Variants in FAM222A observed in about 807,000 individuals in gnomAD.
FAM222A encodes the protein family with sequence similarity 222 member A.
FAM222A carries 7 observed loss-of-function variants against 25.8 expected under a neutral mutation model. The ratio of observed to expected loss-of-function variants is 0.27; its 90% CI spans 0.15 to 0.51. The LOEUF is 0.51. Among genes scored for constraint, FAM222A ranks in the 20% least tolerant of loss-of-function variants. The pLI, the probability that FAM222A is intolerant of heterozygous loss-of-function variation, is 0.97. For synonymous variants in FAM222A, 294 were observed against 298.8 expected, an observed-to-expected ratio of 0.98 and a Z score of 0.17; for missense variants, 573 against 640.5, an observed-to-expected ratio of 0.89 and a Z score of 1.14.
chr12:109,729,202 G>A (rs1887895686), intron 1 of FAM222A, among the ~76,000 whole-genome samples: 1 of 150,952 alleles, frequency 6.6e-6, no homozygotes, highest in Non-Finnish European at 1.5e-5. Context: ...CCAAGAGAAA[G>A]CAGACAATAA....
chr12:109,717,457 A>G lies in FAM222A; in HGVS notation c.-47+2560A>G, dbSNP rs141921952. On this transcript the variant is annotated intron_variant, in intron 1 of 2. Transcript: ENST00000538780. ...GGTTCCTGACCCAGCCTGAGGGTCA[A>G]AAAGCCCTAGAGGAGAGGTGGCACA... 2.0e-3 allele frequency among the ~76,000 whole-genome samples: 304 copies of G among 152,346 alleles called. 2 individuals are homozygous for G. Among genetic ancestry groups the G allele is most frequent in the Non-Finnish European group, 3.5e-3 (239 of 68,036 alleles).
intron 2 of FAM222A, among the ~76,000 whole-genome samples, chr12:109,750,034 G>A (rs1317834734): frequency 1.3e-5 from 2 of 152,034 alleles, no homozygotes; most frequent in Non-Finnish European, 2.9e-5. Flanking sequence ...GGAGAGTTTA[G>A]CCCATTTACA....
At chr12:109,751,599 T>C (rs1380275385) in intron 2 of FAM222A, among the ~76,000 whole-genome samples, 2 of 152,334 alleles carry the variant, frequency 1.3e-5, no homozygotes, top group Admixed American at 6.5e-5. Flanking sequence ...GAGTTTCCTA[T>C]GTGTGCTTAT....
At chr12:109,744,011 C>T (rs747410027) in intron 1 of FAM222A, 90 bp from the exon 2 acceptor site, 37 of 1,435,456 alleles carry the variant, frequency 2.6e-5, no homozygotes, top group Non-Finnish European at 3.2e-5. Flanking sequence ...TGATGTTCTT[C>T]GGGGTTGCAG....
At chr12:109,746,715 C>T (rs1412471886) in intron 2 of FAM222A, among the ~76,000 whole-genome samples, 3 of 152,090 alleles carry the variant, frequency 2.0e-5, no homozygotes, top group Admixed American at 6.5e-5. Context: ...GCAGCCATTA[C>T]CACAGTCAAT....
chr12:109,759,846 G>T (rs952619327), intron 2 of FAM222A, among the ~76,000 whole-genome samples: 7 of 152,214 alleles, frequency 4.6e-5, no homozygotes, highest in African/African-American at 2.4e-5. Context: ...AAGCACCTTC[G>T]GTGGTGGCAG....
chr12:109,753,622 T>C (rs2136362804), intron 2 of FAM222A, among the ~76,000 whole-genome samples: 1 of 151,880 alleles, frequency 6.6e-6, no homozygotes, highest in East Asian at 1.9e-4. Context: ...CCACCACCCA[T>C]ATTGCTCGTG....
intron 2 of FAM222A, among the ~76,000 whole-genome samples, chr12:109,748,305 G>A (rs909093414): frequency 6.9e-6 from 1 of 144,940 alleles, no homozygotes; most frequent in African/African-American, 2.5e-5. Flanking sequence ...CCTCAGTCTC[G>A]TCAAAGAGAT....
At chr12:109,732,069 C>T (rs1299606442) in intron 1 of FAM222A, among the ~76,000 whole-genome samples, 2 of 152,124 alleles carry the variant, frequency 1.3e-5, no homozygotes, top group African/African-American at 2.4e-5. Flanking sequence ...AGTAAGAGGA[C>T]GTTTGTTACT....
intron 1 of FAM222A, among the ~76,000 whole-genome samples, chr12:109,724,081 C>A (rs1034639192): frequency 3.3e-5 from 5 of 152,214 alleles, no homozygotes; most frequent in African/African-American, 1.2e-4. Context: ...CCAGATAGGG[C>A]AGAGATGAGA....
chr12:109,716,876 T>A (rs1887656133), intron 1 of FAM222A, among the ~76,000 whole-genome samples: 1 of 152,246 alleles, frequency 6.6e-6, no homozygotes, highest in Non-Finnish European at 1.5e-5. Context: ...GCCAGGCGTT[T>A]TACATGATCT....
intron 1 of FAM222A, among the ~76,000 whole-genome samples, chr12:109,737,048 G>C (rs993376684): frequency 6.6e-6 from 1 of 152,210 alleles, no homozygotes; most frequent in Non-Finnish European, 1.5e-5. Flanking sequence ...TGGGACTCCA[G>C]TCATTTGACG....
intron 2 of FAM222A, among the ~76,000 whole-genome samples, chr12:109,745,090 G>A (rs1299526095): frequency 1.3e-5 from 2 of 152,222 alleles, no homozygotes; most frequent in Admixed American, 6.5e-5. Context: ...CTTGGAGGAA[G>A]GAAGGGGTAT....
intron 2 of FAM222A, among the ~76,000 whole-genome samples, chr12:109,758,215 CGT>C (rs1162762677): frequency 6.6e-6 from 1 of 152,176 alleles, no homozygotes; most frequent in Non-Finnish European, 1.5e-5. Context: ...ATGTAGCTTG[CGT>C]GTGTGCACAT....
intron 1 of FAM222A, among the ~76,000 whole-genome samples, chr12:109,719,705 C>G (rs540963898): frequency 6.6e-6 from 1 of 151,932 alleles, no homozygotes; most frequent in Non-Finnish European, 1.5e-5. Flanking sequence ...TTTGGAGACC[C>G]GGGAGCATGA....
intron 1 of FAM222A, among the ~76,000 whole-genome samples, chr12:109,733,061 G>A (rs1013385102): frequency 6.6e-6 from 1 of 152,230 alleles, no homozygotes; most frequent in Admixed American, 6.5e-5. Context: ...GTCTCTCGGA[G>A]GAGGTGATGT....
At position 109,739,896 on chromosome 12, in the gene FAM222A, G is replaced by A. The variant is rs143783303; in HGVS notation, c.-46-4205G>A. 8.5e-5 allele frequency among the ~76,000 whole-genome samples: 13 copies of A among 152,316 alleles called. 1 individual carries two copies. The East Asian group carries it at 2.1e-3, about 25-fold the overall frequency. ...GCCACAGAGGCCACGAGGAGGAGGC[G>A]CATGGGCTTGGTACAGAGGGCAGTC... is the stretch of plus-strand genomic sequence containing the variant. On this transcript the variant is annotated intron_variant, in intron 1 of 2. Coordinates refer to ENST00000538780, the MANE Select transcript of FAM222A (RefSeq NM_032829.3).
intron 2 of FAM222A, among the ~76,000 whole-genome samples, chr12:109,766,166 A>AAACAGGCT (rs1889044831): frequency 6.6e-6 from 1 of 152,196 alleles, no homozygotes; most frequent in Non-Finnish European, 1.5e-5. Context: ...ACAGGTGGGA[A>AAACAGGCT]AACAGGCTCA....
intron 1 of FAM222A, among the ~76,000 whole-genome samples, chr12:109,715,201 C>T (rs2136312127): frequency 6.6e-6 from 1 of 152,164 alleles, no homozygotes; most frequent in African/African-American, 2.4e-5. Flanking sequence ...TCCCCGGGAA[C>T]TCCAGTGTCT....
Sources: allele counts gnomAD v4.1 joint callset (sites outside exome capture counted in the v4.1 genomes callset), GRCh38; gene constraint gnomAD v4.1.1; transcripts MANE v1.5; gene names NCBI Gene and HGNC (gene_info 2026-07-23, HGNC 2026-07-21).